DIP2C: variants seen among roughly 807,000 people sequenced by gnomAD.
The protein encoded by DIP2C is DIP2 acetate--CoA ligase C (putative), also known as disco-interacting protein 2 homolog C.
Under a neutral mutation model 192.4 loss-of-function variants are expected in DIP2C, and 33 were observed. That is an observed-to-expected ratio of 0.17 (90% CI 0.13 to 0.23). DIP2C has a LOEUF of 0.23. Among genes scored for constraint, DIP2C ranks in the 10% least tolerant of loss-of-function variants. DIP2C has a pLI of 1.00. For synonymous variants in DIP2C, 979 were observed against 864.1 expected (o/e 1.13, Z -2.33); for missense variants, 1,537 against 2,110.1 (o/e 0.73, Z 5.32).
intron 1 of DIP2C, among the ~76,000 whole-genome samples, chr10:543,057 G>A (rs1386692778): frequency 2.0e-5 from 3 of 152,212 alleles, no homozygotes; most frequent in Non-Finnish European, 4.4e-5. Flanking sequence ...AACATTGAGT[G>A]ATGATGATGA....
rs137961893 is a variant in DIP2C at position 600,084 on chromosome 10, A to C, written c.85+89410T>G. 2.5e-3 allele frequency among the ~76,000 whole-genome samples: 382 copies of C among 152,292 alleles called. 1 individual carries two copies. Among genetic ancestry groups the C allele is most frequent in the Middle Eastern group, 0.01 (3 of 294 alleles). On this transcript the variant is annotated intron_variant, in intron 1 of 36. Coordinates refer to ENST00000280886, the MANE Select transcript of DIP2C (RefSeq NM_014974.3). ...AGCTCCAGGCAGAGGGGAAAGAGGAACCTGTATCATAACTAACATGTATTT... is the reference window on the plus strand; with the variant it reads ...AGCTCCAGGCAGAGGGGAAAGAGGACCCTGTATCATAACTAACATGTATTT...
rs1564843769 is a variant in DIP2C, at chr10:554,350, T to G, written c.86-67820A>C. 3.9e-5 allele frequency among the ~76,000 whole-genome samples: 6 copies of G among 152,346 alleles called. No individual in the cohort carries two copies. In the East Asian group the frequency reaches 1.2e-3, roughly 29 times the overall value. On this transcript the variant is annotated intron_variant, in intron 1 of 36. Transcript: ENST00000280886. ...AGGAGGAAGCAGTGATTCATTTCCATCTGCAGTGGATAAATGTTTCCTGGA... is the reference window on the plus strand; with the variant it reads ...AGGAGGAAGCAGTGATTCATTTCCAGCTGCAGTGGATAAATGTTTCCTGGA...
chr10:593,378 G>A (rs1181326394), intron 1 of DIP2C, among the ~76,000 whole-genome samples: 1 of 151,944 alleles, frequency 6.6e-6, no homozygotes, highest in African/African-American at 2.4e-5. Flanking sequence ...TCACCTTAGT[G>A]ATAATTTATC....
intron 14 of DIP2C, among the ~76,000 whole-genome samples, chr10:385,998 C>T (rs1962868198): frequency 6.6e-6 from 1 of 152,214 alleles, no homozygotes; most frequent in Non-Finnish European, 1.5e-5. Context: ...GAGACTCGCA[C>T]CTGCCAGGGC....
At chr10:612,690 G>T (rs564582221) in intron 1 of DIP2C, among the ~76,000 whole-genome samples, 2 of 152,156 alleles carry the variant, frequency 1.3e-5, no homozygotes, top group Non-Finnish European at 2.9e-5. Flanking sequence ...TTTCACAGCC[G>T]TTTACTCCGC....
intron 9 of DIP2C, among the ~76,000 whole-genome samples, chr10:407,347 G>A (rs560695870): frequency 9.9e-4 from 151 of 152,258 alleles, no homozygotes; most frequent in Non-Finnish European, 2.0e-3. Context: ...CCGTGGATTT[G>A]GGGTTGCTTC....
intron 2 of DIP2C, among the ~76,000 whole-genome samples, chr10:474,089 T>C (rs1209732256): frequency 3.9e-5 from 6 of 152,236 alleles, no homozygotes; most frequent in Non-Finnish European, 7.3e-5. Flanking sequence ...ACTGATCTTT[T>C]AAAAATGATC....
chr10:643,393 A>G (rs61833012), intron 1 of DIP2C, among the ~76,000 whole-genome samples: 5,064 of 151,572 alleles, frequency 0.033, 118 homozygotes, highest in Middle Eastern at 0.051. Context: ...GGGTACCTAT[A>G]GTCCCAGCTA....
chr10:541,747 C>T (rs1239564262), intron 1 of DIP2C, among the ~76,000 whole-genome samples: 1 of 150,412 alleles, frequency 6.6e-6, no homozygotes, highest in East Asian at 1.9e-4. Flanking sequence ...CCACACTGAC[C>T]ACACCCATCT....
At chr10:512,339 G>C (rs1846070355) in intron 1 of DIP2C, among the ~76,000 whole-genome samples, 2 of 152,174 alleles carry the variant, frequency 1.3e-5, no homozygotes, top group East Asian at 1.9e-4. Flanking sequence ...CAGGCAGATT[G>C]CTTGAGCCCA....
chr10:469,169 G>A (rs1330709981), intron 3 of DIP2C, among the ~76,000 whole-genome samples: 5 of 152,172 alleles, frequency 3.3e-5, no homozygotes, highest in Non-Finnish European at 7.4e-5. Context: ...CACTCTGGGT[G>A]CAGAATCGGA....
intron 5 of DIP2C, 114 bp downstream of exon 5, chr10:422,710 G>A (rs1589760026): frequency 7.8e-7 from 1 of 1,288,484 alleles, no homozygotes; most frequent in Middle Eastern, 2.8e-4. Context: ...GGGGCCAGAG[G>A]AGCTCTGTGC....
intron 1 of DIP2C, among the ~76,000 whole-genome samples, chr10:514,613 T>C (rs1452509739): frequency 6.6e-5 from 10 of 152,188 alleles, no homozygotes; most frequent in African/African-American, 1.9e-4. Context: ...TTGAGGCACA[T>C]GCTCCCTTCG....
At chr10:496,611 C>G (rs1844855656) in intron 1 of DIP2C, among the ~76,000 whole-genome samples, 1 of 148,472 alleles carries the variant, frequency 6.7e-6, no homozygotes, top group Non-Finnish European at 1.5e-5. Context: ...ACATTACTCG[C>G]AATACCCCAA....
At chr10:349,045 G>C (rs956201556) in intron 25 of DIP2C, among the ~76,000 whole-genome samples, 7 of 152,208 alleles carry the variant, frequency 4.6e-5, no homozygotes, top group African/African-American at 1.7e-4. Context: ...TCAAGATTTA[G>C]GTACTATTAA....
At chr10:595,043 C>G (rs917983921) in intron 1 of DIP2C, among the ~76,000 whole-genome samples, 1 of 152,178 alleles carries the variant, frequency 6.6e-6, no homozygotes, top group Non-Finnish European at 1.5e-5. Flanking sequence ...GTCCGATGCC[C>G]GTTCACATCC....
At chr10:394,197 G>T (rs1407843913) in intron 10 of DIP2C, among the ~76,000 whole-genome samples, 11 of 152,242 alleles carry the variant, frequency 7.2e-5, no homozygotes, top group Admixed American at 2.0e-4. Context: ...TGCAGAGCAG[G>T]CAGAGCCGGC....
intron 9 of DIP2C, among the ~76,000 whole-genome samples, chr10:406,271 C>T (rs1161374571): frequency 2.6e-5 from 4 of 152,214 alleles, no homozygotes; most frequent in South Asian, 2.1e-4. Flanking sequence ...AATTTTTACA[C>T]GTAGAATTCA....
intron 6 of DIP2C, among the ~76,000 whole-genome samples, chr10:418,097 A>C (rs80321747): frequency 8.7e-4 from 2 of 2,292 alleles, no homozygotes; most frequent in Non-Finnish European, 3.5e-3. Context: ...TCAGATAGGC[A>C]TCCCCGTCCA....
Sources: gnomAD v4.1 joint callset for allele counts (sites outside exome capture counted in the v4.1 genomes callset) on GRCh38, gnomAD v4.1.1 for gene constraint, MANE v1.5 for transcripts, NCBI Gene and HGNC (gene_info 2026-07-23, HGNC 2026-07-21) for gene names.